The following ANTXR1 variants were observed in gnomAD, a reference collection of about 807,000 sequenced individuals.
ANTXR1 encodes the protein anthrax toxin receptor 1.
Under a neutral mutation model 78.1 loss-of-function variants are expected in ANTXR1, and 19 were observed. The ratio of observed to expected loss-of-function variants is 0.24; its 90% confidence interval spans 0.17 to 0.36. The LOEUF is 0.36. ANTXR1 is among the 10% of genes least tolerant of loss of function. The pLI is 1.00. For synonymous variants in ANTXR1, 273 were observed against 260.5 expected (o/e 1.05, Z -0.46); for missense variants, 518 against 718.6 (o/e 0.72, Z 3.19).
chr2:69,061,167 T>A (rs1263689561), intron 3 of ANTXR1, among the ~76,000 whole-genome samples: 1 of 152,180 alleles, frequency 6.6e-6, no homozygotes, highest in Non-Finnish European at 1.5e-5. Context: ...GAATATTGAT[T>A]GTTTAAAAGC....
intron 16 of ANTXR1, among the ~76,000 whole-genome samples, chr2:69,192,839 A>G (rs6744129): frequency 0.099 from 15,060 of 152,186 alleles, 1,975 homozygotes; most frequent in African/African-American, 0.29. Flanking sequence ...GCTGCTGAGC[A>G]AGCCTAGAAG....
chr2:69,140,168 T>TA (rs1409505813), intron 12 of ANTXR1, among the ~76,000 whole-genome samples: 1 of 152,228 alleles, frequency 6.6e-6, no homozygotes, highest in Non-Finnish European at 1.5e-5. Flanking sequence ...CAAGAGTACT[T>TA]ATCACCTTCT....
At chr2:69,203,717 T>C (rs981539784) in intron 17 of ANTXR1, among the ~76,000 whole-genome samples, 1 of 151,842 alleles carries the variant, frequency 6.6e-6, no homozygotes, top group Admixed American at 6.6e-5. Flanking sequence ...CATTACACAC[T>C]CACATTCACA....
At chr2:69,202,925 C>G (rs528137194) in intron 17 of ANTXR1, among the ~76,000 whole-genome samples, 1 of 152,198 alleles carries the variant, frequency 6.6e-6, no homozygotes, top group Non-Finnish European at 1.5e-5. Flanking sequence ...TCCCTGAAAA[C>G]TGCCATTGAT....
intron 10 of ANTXR1, among the ~76,000 whole-genome samples, chr2:69,111,698 G>C (rs1177693770): frequency 2.0e-5 from 3 of 152,186 alleles, no homozygotes; most frequent in Non-Finnish European, 4.4e-5. Flanking sequence ...CTGAACATCG[G>C]TCAGGAAGGC....
chr2:69,153,064 G>A (rs868694989), intron 13 of ANTXR1, among the ~76,000 whole-genome samples: 7 of 152,190 alleles, frequency 4.6e-5, no homozygotes, highest in African/African-American at 1.7e-4. Flanking sequence ...TTTCTAGCCT[G>A]TGCCCTGCCT....
intron 8 of ANTXR1, among the ~76,000 whole-genome samples, chr2:69,082,759 T>C (rs1670935878): frequency 6.6e-6 from 1 of 152,090 alleles, no homozygotes; most frequent in East Asian, 1.9e-4. Context: ...AAGGACACTG[T>C]CTGAAAAGGA....
At chr2:69,244,132 G>C (rs1426333956) in intron 17 of ANTXR1, among the ~76,000 whole-genome samples, 1 of 152,242 alleles carries the variant, frequency 6.6e-6, no homozygotes, top group Non-Finnish European at 1.5e-5. Context: ...GGGGGACAGA[G>C]AAAGCATGCC....
At chr2:69,059,423 A>AG (rs1382152180) in intron 3 of ANTXR1, among the ~76,000 whole-genome samples, 2 of 152,200 alleles carry the variant, frequency 1.3e-5, no homozygotes, top group Non-Finnish European at 2.9e-5. Context: ...GATTCACTGA[A>AG]GGCTCAGATG....
intron 13 of ANTXR1, among the ~76,000 whole-genome samples, chr2:69,169,408 G>A (rs1475739777): frequency 1.3e-5 from 2 of 152,258 alleles, no homozygotes; most frequent in Non-Finnish European, 2.9e-5. Context: ...TGCCATGTAA[G>A]AGACTCTAAA....
chr2:69,036,172 C>A (rs1010577006), intron 1 of ANTXR1, among the ~76,000 whole-genome samples: 8 of 152,198 alleles, frequency 5.3e-5, no homozygotes, highest in African/African-American at 1.9e-4. Flanking sequence ...ATTCAAGTTC[C>A]TATTTCACCA....
At chr2:69,118,228 T>C (rs529547731) in intron 10 of ANTXR1, among the ~76,000 whole-genome samples, 2 of 130,546 alleles carry the variant, frequency 1.5e-5, no homozygotes, top group South Asian at 4.9e-4. Context: ...CTGGGCAACA[T>C]AGGGGACCTT....
intron 12 of ANTXR1, among the ~76,000 whole-genome samples, chr2:69,138,289 C>G (rs1045092846): frequency 1.3e-5 from 2 of 152,042 alleles, no homozygotes; most frequent in African/African-American, 4.8e-5. Context: ...TTTAAATAGT[C>G]CAACATTGGC....
intron 9 of ANTXR1, among the ~76,000 whole-genome samples, chr2:69,100,518 G>A (rs1415084987): frequency 6.6e-6 from 1 of 152,214 alleles, no homozygotes; most frequent in African/African-American, 2.4e-5. Context: ...CATGCAGGCA[G>A]CCTCTTTTAT....
At chr2:69,148,118 C>A (rs556614455) in intron 12 of ANTXR1, among the ~76,000 whole-genome samples, 1 of 152,334 alleles carries the variant, frequency 6.6e-6, no homozygotes, top group Non-Finnish European at 1.5e-5. Flanking sequence ...AGAAGCAAAT[C>A]TGATCACGAT....
intron 17 of ANTXR1, among the ~76,000 whole-genome samples, chr2:69,213,630 C>T (rs1675104787): frequency 6.6e-6 from 1 of 152,264 alleles, no homozygotes; most frequent in South Asian, 2.1e-4. Context: ...CTTGCCAGAG[C>T]TCCACCCTGG....
chr2:69,159,642 TAAC>T (rs1474398694), intron 13 of ANTXR1, among the ~76,000 whole-genome samples: 2 of 152,186 alleles, frequency 1.3e-5, no homozygotes, highest in Admixed American at 6.5e-5. Context: ...TCTGTTCATA[TAAC>T]AACAATTTTT....
chr2:69,041,032 T>C lies in ANTXR1; in HGVS notation c.224+917T>C, dbSNP rs902769197. On this transcript the variant is annotated intron_variant, in intron 2 of 17. Coordinates refer to ENST00000303714, the MANE Select transcript of ANTXR1 (RefSeq NM_032208.3). ...CCTCAACGCATGCCTACCTGCCTAA[T>C]TGGAGGGAAAGGGTTAGGAGGTAGC... 3.3e-5 allele frequency among the ~76,000 whole-genome samples: 5 copies of C among 152,070 alleles called. No homozygotes were observed. The South Asian group carries it at 1.0e-3, about 32-fold the overall frequency.
At chr2:69,095,576 T>C (rs1237601311) in intron 9 of ANTXR1, among the ~76,000 whole-genome samples, 1 of 152,104 alleles carries the variant, frequency 6.6e-6, no homozygotes, top group Non-Finnish European at 1.5e-5. Context: ...CAGAAAGAAA[T>C]TATTAGGCTT....
Sources: allele counts gnomAD v4.1 joint callset (sites outside exome capture counted in the v4.1 genomes callset), GRCh38; gene constraint gnomAD v4.1.1; transcripts MANE v1.5; gene names NCBI Gene and HGNC (gene_info 2026-07-23, HGNC 2026-07-21).